Variants in RNF149 observed in about 807,000 individuals in gnomAD.
The protein encoded by RNF149 is ring finger protein 149.
A neutral mutation model predicts 39.0 loss-of-function variants in RNF149; 21 were observed. The observed-to-expected ratio is 0.54, with a 90% confidence interval of 0.38 to 0.77. The LOEUF (loss-of-function observed/expected upper bound fraction) is 0.77, where lower values mean the gene tolerates loss of function less well. Among genes scored for constraint, RNF149 ranks in the 30% least tolerant of loss-of-function variants. The pLI is 0.00. For synonymous variants in RNF149, 209 were observed against 213.6 expected (o/e 0.98, Z 0.19); for missense variants, 493 against 534.9 (o/e 0.92, Z 0.77).
At chr2:101,275,431 CTTTTTTTTTTTTTTT>C (rs59154104), downstream of RNF149, among the ~76,000 whole-genome samples, 5 of 26,580 alleles carry the variant, frequency 1.9e-4, no homozygotes, top group African/African-American at 4.6e-4. Flanking sequence ...CCTAGTATTT[CTTTTTTTTTTTTTTT>C]TTTTTTTTTT....
chr2:101,305,865 C>T (rs1225071725), intron 1 of RNF149, among the ~76,000 whole-genome samples: 1 of 152,210 alleles, frequency 6.6e-6, no homozygotes, highest in East Asian at 1.9e-4. Context: ...CAAATACCTT[C>T]CTTAAAGGCT....
chr2:101,277,167 A>T lies in RNF149; in HGVS notation c.*71T>A. The T allele has an allele frequency of 6.4e-7, 1 of 1,571,672 alleles. No homozygotes were observed. The highest frequency in any genetic ancestry group is 8.7e-7 in the Non-Finnish European group (1 of 1,154,694). On this transcript the variant is annotated 3_prime_UTR_variant, in exon 7 of 7. Transcript: ENST00000295317. Reference sequence around the variant, plus strand: ...TTTCAAATATACAAATTATGTGCTAAAGTAAAAAAAATAAAATGTCCTTTA... The same window carrying T: ...TTTCAAATATACAAATTATGTGCTATAGTAAAAAAAATAAAATGTCCTTTA...
In RNF149 at chr2:101,287,982, AG is replaced by A. The variant is rs146864068; in HGVS notation, c.863+990del. On this transcript the variant is annotated intron_variant, in intron 4 of 6. Transcript: ENST00000295317. ...TTTAGCAAAGCAATTCTTTTAAAAA[AG>A]TTATCAACTAAAGTATCCCATTACT... Among the ~76,000 whole-genome samples the A allele has an allele frequency of 5.6e-3, 853 of 152,310 alleles. 12 individuals carry two copies. The highest frequency in any genetic ancestry group is 0.02 in the African/African-American group (822 of 41,560).
downstream of RNF149, among the ~76,000 whole-genome samples, chr2:101,275,329 GGA>G (rs1287856830): frequency 6.8e-6 from 1 of 147,904 alleles, no homozygotes; most frequent in Non-Finnish European, 1.5e-5. Flanking sequence ...GTGTTAGCCA[GGA>G]TGGTCTCGAT....
At chr2:101,303,864 A>G (rs1683551472) in intron 1 of RNF149, among the ~76,000 whole-genome samples, 1 of 152,204 alleles carries the variant, frequency 6.6e-6, no homozygotes, top group East Asian at 1.9e-4. Context: ...GCAGATTCCC[A>G]AATATAGCTC....
rs536967845 is a variant in RNF149, at chr2:101,292,090, T to C, written c.780+1924A>G. 2.8e-4 allele frequency among the ~76,000 whole-genome samples: 42 copies of C among 152,358 alleles called. 1 individual carries two copies. Among genetic ancestry groups the C allele is most frequent in the African/African-American group, 8.7e-4 (36 of 41,582 alleles). ...ACGAAGCCTATTTTATAATAAAGTA[T>C]TGACTATCTCATATAATTTACTGCA... On this transcript the variant is annotated intron_variant, in intron 3 of 6. Coordinates refer to ENST00000295317, the MANE Select transcript of RNF149 (RefSeq NM_173647.4).
chr2:101,302,245 G>T lies in RNF149; in HGVS notation c.460+5884C>A, dbSNP rs116539245. Reference sequence around the variant, plus strand: ...AGCAGTGACGGCCCATAAAAAGGCTGCTACGTGAATGAATCAATCTGAAAA... The same window carrying T: ...AGCAGTGACGGCCCATAAAAAGGCTTCTACGTGAATGAATCAATCTGAAAA... On this transcript the variant is annotated intron_variant, in intron 1 of 6. Transcript: ENST00000295317. Among the ~76,000 whole-genome samples the T allele has an allele frequency of 6.2e-3, 950 of 152,284 alleles. 4 individuals are homozygous for T. Among genetic ancestry groups the T allele is most frequent in the African/African-American group, 0.022 (907 of 41,542 alleles).
downstream of RNF149, chr2:101,273,476 CTTT>C (rs937334137): frequency 3.5e-3 from 1,189 of 342,424 alleles, no homozygotes; most frequent in East Asian, 6.5e-3. Flanking sequence ...ATATTTGTTT[CTTT>C]TTTTTTTTTT....
At chr2:101,272,780 T>C (rs1419692411), downstream of RNF149, 3 of 382,370 alleles carry the variant, frequency 7.8e-6, no homozygotes, top group Non-Finnish European at 9.9e-6. Flanking sequence ...CCAAACTAAG[T>C]GATCTTACTG....
rs776877800 is a variant in RNF149, at chr2:101,295,098, T to C, written c.544A>G (p.Thr182Ala). 1 of 1,614,182 alleles carries C rather than the reference T, an allele frequency of 6.2e-7. No individual in the cohort carries two copies. The highest frequency in any genetic ancestry group is 8.5e-7 in the Non-Finnish European group (1 of 1,180,028). ...CGGGTGCCAACCCCTATGGTCATCG[T>C]TACTGGAATTCCTTTTTGCACCAGC... ...LELVQKGIPVTMTIGVGTRHV... is the reference protein window; with the variant it reads ...LELVQKGIPVAMTIGVGTRHV... Residue 182 changes from threonine to alanine, a missense_variant, in exon 2 of 7, where the codon ACG becomes GCG. Transcript: ENST00000295317.
At chr2:101,299,497 G>C (rs184856934) in intron 1 of RNF149, among the ~76,000 whole-genome samples, 26 of 152,296 alleles carry the variant, frequency 1.7e-4, no homozygotes, top group Middle Eastern at 6.8e-3. Context: ...AGTTAAGAAG[G>C]ATGTATATAG....
Position 101,281,970 on chromosome 2 carries a change from C to G in RNF149, c.1048G>C (p.Asp350His). The change falls in exon 6 of 7, where the codon GAT (aspartate) becomes CAT (histidine). Residue 350 changes from aspartate to histidine, a missense_variant. Physicochemically the swap from Asp to His is moderately conservative, Grantham distance 81. Transcript: ENST00000295317. ...PAANLSLALP[D>H]DDGSDDSSPP... ...CTGCTGTCATCACTTCCGTCATCAT[C>G]TGGTAAAGCTAGACTCAAATTTGCA... The G allele has an allele frequency of 6.2e-7, 1 of 1,614,094 alleles. No individual in the cohort carries two copies. The highest frequency in any genetic ancestry group is 8.5e-7 in the Non-Finnish European group (1 of 1,180,018).
Position 101,308,307 on chromosome 2 carries a change from C to A in RNF149, c.282G>T (p.Thr94=). Residue 94 remains threonine, a synonymous_variant, in exon 1 of 7, where the codon ACG becomes ACT. Coordinates refer to ENST00000295317, the MANE Select transcript of RNF149 (RefSeq NM_173647.4). ...GGDLEGCAPD[T]RFFVPEPGGR... ...CGCCGGGCTCGGGCACGAAGAAGCG[C>A]GTGTCGGGCGCGCAGCCCTCGAGGT... 1 of 1,582,036 alleles carries A rather than the reference C, an allele frequency of 6.3e-7. No individual in the cohort carries two copies. Among genetic ancestry groups the A allele is most frequent in the Non-Finnish European group, 8.6e-7 (1 of 1,167,500 alleles).
intron 5 of RNF149, among the ~76,000 whole-genome samples, chr2:101,283,776 T>C (rs1218231723): frequency 1.3e-5 from 2 of 152,166 alleles, no homozygotes; most frequent in Non-Finnish European, 2.9e-5. Flanking sequence ...ATTTTTAATA[T>C]ATGAAATATA....
chr2:101,281,792 G>A (rs1395754948), intron 6 of RNF149, 67 bp downstream of exon 6: 1 of 1,579,988 alleles, frequency 6.3e-7, no homozygotes, highest in Non-Finnish European at 8.6e-7. Context: ...CCAAAGCACT[G>A]AGATTACAGG....
At chr2:101,273,624 C>T (rs1007178932), downstream of RNF149, among the ~76,000 whole-genome samples, 1 of 151,944 alleles carries the variant, frequency 6.6e-6, no homozygotes, top group African/African-American at 2.4e-5. Flanking sequence ...AGGCAGATGC[C>T]ACCACACCTG....
Position 101,278,512 on chromosome 2 carries a change from TAA to T in RNF149, c.1160-1233_1160-1232del, listed in dbSNP as rs72104308. Among the ~76,000 whole-genome samples the T allele has an allele frequency of 7.1e-3, 1,068 of 150,988 alleles. 17 individuals are homozygous for T. Among genetic ancestry groups the T allele is most frequent in the South Asian group, 0.039 (190 of 4,826 alleles). On this transcript the variant is annotated intron_variant, in intron 6 of 6. Coordinates refer to ENST00000295317, the MANE Select transcript of RNF149 (RefSeq NM_173647.4). ...AATGCTTCCTCTTGTTTTATAAATA[TAA>T]GTGTATATTTATAAATACAAAATTT...
Position 101,289,069 on chromosome 2 carries a change from A to G in RNF149, c.781-14T>C. The G allele has an allele frequency of 6.6e-7, 1 of 1,506,378 alleles. No individual in the cohort carries two copies. The allele number at this position is 1,506,378 out of a possible 1,614,324, so 93.3% of individuals were successfully genotyped here. ...AACATCAATTCCCTGTAAAAAGAAA[A>G]GGAAAGTGTTACTACATTCTTGGTA... On this transcript the variant is annotated splice_polypyrimidine_tract_variant and intron_variant, in intron 3 of 6. Coordinates refer to ENST00000295317, the MANE Select transcript of RNF149 (RefSeq NM_173647.4).
Position 101,297,011 on chromosome 2 carries a change from C to G in RNF149, c.461-1830G>C, listed in dbSNP as rs907742211. On this transcript the variant is annotated intron_variant, in intron 1 of 6. Transcript: ENST00000295317. ...ATCACCTGAGGTCAGGAGTTTGAGA[C>G]CAGCCTGGCCAAAATGGCGAAACCC... is the stretch of plus-strand genomic sequence containing the variant. 2.6e-5 allele frequency among the ~76,000 whole-genome samples: 4 copies of G among 152,108 alleles called. No homozygotes were observed. In the South Asian group the frequency reaches 8.3e-4, roughly 32 times the overall value.
Sources: gnomAD v4.1 joint callset for allele counts (sites outside exome capture counted in the v4.1 genomes callset) on GRCh38, gnomAD v4.1.1 for gene constraint, MANE v1.5 for transcripts, NCBI Gene and HGNC (gene_info 2026-07-23, HGNC 2026-07-21) for gene names.